Variants in DNAH14 observed in about 807,000 individuals in gnomAD.
DNAH14 encodes axonemal beta dynein heavy chain 14.
A neutral mutation model predicts 520.9 loss-of-function variants in DNAH14; 478 were observed. The observed-to-expected ratio is 0.92, with a 90% CI of 0.85 to 0.99. The LOEUF (loss-of-function observed/expected upper bound fraction) is 0.99. Among genes scored for constraint, DNAH14 ranks in the 50% least tolerant of loss-of-function variants. The pLI is 0.00. For missense variants in DNAH14, 4,831 were observed against 5,234.5 expected (o/e 0.92, Z 2.38); for synonymous variants, 1,581 against 1,757.2 (o/e 0.90, Z 2.51).
intron 23 of DNAH14, among the ~76,000 whole-genome samples, chr1:225,107,756 C>T (rs930414067): frequency 6.6e-6 from 1 of 152,138 alleles, no homozygotes; most frequent in Non-Finnish European, 1.5e-5. Flanking sequence ...TACATTCCCA[C>T]AAACAGTGTA....
At chr1:225,171,798 C>T (rs1333625803) in intron 36 of DNAH14, among the ~76,000 whole-genome samples, 1 of 152,160 alleles carries the variant, frequency 6.6e-6, no homozygotes, top group Non-Finnish European at 1.5e-5. Flanking sequence ...GATACCAAAG[C>T]CTGGCAGACA....
rs182860700 is a variant in DNAH14, at chr1:225,295,633, A to G, written c.8470-5236A>G. ...GATACTTGATATGATTTTGATTTTT[A>G]AAAATTTGTTATTGAGACTTGTTTG... On this transcript the variant is annotated intron_variant, in intron 55 of 85. Coordinates refer to ENST00000682510, the MANE Select transcript of DNAH14 (RefSeq NM_001367479.1). Among the ~76,000 whole-genome samples, 645 of 152,274 alleles carry G rather than the reference A, an allele frequency of 4.2e-3. 2 individuals are homozygous for G. Among genetic ancestry groups the G allele is most frequent in the Non-Finnish European group, 6.9e-3 (472 of 68,012 alleles).
In DNAH14 at chr1:225,140,969, A is replaced by AT; in HGVS notation, c.4457dup (p.Asn1487LysfsTer5). On this transcript the variant is annotated frameshift_variant, in exon 28 of 86. Transcript: ENST00000682510. LOFTEE classifies it high-confidence loss of function. ...TTATGTTCACTGCAGAGATATAGTG[A>AT]TAAATTTACTACTTAAAAATATCTT... 1 of 1,551,008 alleles carries AT rather than the reference A, an allele frequency of 6.4e-7. No individual in the cohort carries two copies. Among genetic ancestry groups the AT allele is most frequent in the Non-Finnish European group, 8.7e-7 (1 of 1,146,676 alleles).
chr1:225,150,628 G>A (rs1054420722), intron 31 of DNAH14, among the ~76,000 whole-genome samples: 9 of 152,140 alleles, frequency 5.9e-5, no homozygotes, highest in Admixed American at 5.9e-4. Flanking sequence ...AGCCTTGGGA[G>A]GGTGTGTGTG....
intron 41 of DNAH14, among the ~76,000 whole-genome samples, chr1:225,228,704 G>A (rs753560871): frequency 2.0e-5 from 3 of 152,080 alleles, no homozygotes; most frequent in Admixed American, 6.6e-5. Flanking sequence ...GCTGGAATAC[G>A]AGTTATAACC....
chr1:225,049,790 C>CTATA (rs2068356915), intron 15 of DNAH14, among the ~76,000 whole-genome samples: 1 of 151,854 alleles, frequency 6.6e-6, no homozygotes, highest in South Asian at 2.1e-4. Flanking sequence ...ATCTATCTAT[C>CTATA]TATCTATCTA....
chr1:225,095,481 G>A (rs2074877454), intron 21 of DNAH14, among the ~76,000 whole-genome samples: 1 of 152,076 alleles, frequency 6.6e-6, no homozygotes, highest in African/African-American at 2.4e-5. Flanking sequence ...TGGAACAACA[G>A]ACACCGGGGC....
At position 225,335,762 on chromosome 1, in the gene DNAH14, CATGTGCAT is replaced by C. The variant is rs1302968891; in HGVS notation, c.10081-1493_10081-1486del. ...ATATGTATATACGCATATATACATA[CATGTGCAT>C]ATGTGCATATATTCATAAGTACATC... is the stretch of plus-strand genomic sequence containing the variant. On this transcript the variant is annotated intron_variant, in intron 66 of 85. Coordinates refer to ENST00000682510, the MANE Select transcript of DNAH14 (RefSeq NM_001367479.1). Among the ~76,000 whole-genome samples the C allele has an allele frequency of 2.8e-4, 8 of 28,976 alleles. 2 individuals carry two copies. The highest frequency in any genetic ancestry group is 1.8e-3 in the African/African-American group (4 of 2,270). 19.0% of individuals were successfully genotyped at this position (28,976 alleles called of 152,430 possible).
chr1:225,080,318 G>C, intron 18 of DNAH14, 61 bp from the exon 19 acceptor site: 1 of 1,433,730 alleles, frequency 7.0e-7, no homozygotes, highest in Non-Finnish European at 9.2e-7. Flanking sequence ...TTCACTGCCA[G>C]TAAAACAGTA....
rs1013754552 is a variant in DNAH14 at position 225,016,039 on chromosome 1, C to T, written c.1108-7576C>T. Among the ~76,000 whole-genome samples the T allele has an allele frequency of 5.9e-5, 9 of 152,286 alleles. No homozygotes were observed. The East Asian group carries it at 1.5e-3, about 26-fold the overall frequency. On this transcript the variant is annotated intron_variant, in intron 10 of 85. Transcript: ENST00000682510. ...GTCCACTCACGAGGGCCCTTCAGGA[C>T]AGGGCTTAAGGAACACAAAAAGGTC... is the stretch of plus-strand genomic sequence containing the variant.
intron 11 of DNAH14, 83 bp downstream of exon 11, chr1:225,023,948 T>C: frequency 6.9e-7 from 1 of 1,444,600 alleles, no homozygotes; most frequent in Non-Finnish European, 9.1e-7. Context: ...TATTCAATAA[T>C]TTAAGCTAGA....
intron 36 of DNAH14, among the ~76,000 whole-genome samples, chr1:225,181,960 G>A (rs2084069591): frequency 6.6e-6 from 1 of 152,174 alleles, no homozygotes; most frequent in African/African-American, 2.4e-5. Context: ...GCCGAGACAG[G>A]TGGATCACTT....
At chr1:225,086,823 T>A (rs1200761003) in intron 21 of DNAH14, among the ~76,000 whole-genome samples, 1 of 152,180 alleles carries the variant, frequency 6.6e-6, no homozygotes, top group African/African-American at 2.4e-5. Flanking sequence ...TAAGCTAATT[T>A]TTTAAAATTT....
At chr1:225,286,936 G>C (rs1470994976) in intron 54 of DNAH14, among the ~76,000 whole-genome samples, 4 of 152,066 alleles carry the variant, frequency 2.6e-5, no homozygotes, top group Non-Finnish European at 5.9e-5. Context: ...AAAAGACATG[G>C]GTGAATTTCA....
At chr1:225,393,339 T>C (rs1197695797) in intron 84 of DNAH14, among the ~76,000 whole-genome samples, 1 of 152,216 alleles carries the variant, frequency 6.6e-6, no homozygotes. Flanking sequence ...TCCACAAACC[T>C]ACACGGCATA....
At chr1:225,073,457 C>A (rs2071802058) in intron 17 of DNAH14, among the ~76,000 whole-genome samples, 1 of 152,070 alleles carries the variant, frequency 6.6e-6, no homozygotes, top group African/African-American at 2.4e-5. Flanking sequence ...GGATTGGGAA[C>A]CCACTTAAAG....
chr1:225,215,506 G>A lies in DNAH14; in HGVS notation c.6439+8286G>A, dbSNP rs531963816. 1.2e-3 allele frequency among the ~76,000 whole-genome samples: 183 copies of A among 152,284 alleles called. 2 individuals are homozygous for A. Among genetic ancestry groups the A allele is most frequent in the Middle Eastern group, 6.8e-3 (2 of 294 alleles). On this transcript the variant is annotated intron_variant, in intron 41 of 85. Coordinates refer to ENST00000682510, the MANE Select transcript of DNAH14 (RefSeq NM_001367479.1). ...TGATCTGTCTAATGTTGACAGTGGG[G>A]TGTTAAAGTTTCCCAGTATTATTCT...
intron 41 of DNAH14, among the ~76,000 whole-genome samples, chr1:225,223,669 G>A (rs2090269987): frequency 6.6e-6 from 1 of 152,110 alleles, no homozygotes; most frequent in Admixed American, 6.6e-5. Flanking sequence ...AGTCGTTATT[G>A]ACTTAAAGGA....
At position 225,346,643 on chromosome 1, in the gene DNAH14, C is replaced by T. The variant is rs1453427943; in HGVS notation, c.11285C>T (p.Ser3762Phe). The change falls in exon 71 of 86, where the codon TCT becomes TTT. Residue 3762 changes from serine (S) to phenylalanine (F), a missense_variant. Transcript: ENST00000682510. ...LINIKSALSQ[S>F]RLTSTFEIGE... is the part of the protein sequence containing the mutation. ...AATATTAAAAGTGCATTATCCCAGTCTAGACTTACTAGTAAGTAAAAGTTA... is the reference window on the plus strand; with the variant it reads ...AATATTAAAAGTGCATTATCCCAGTTTAGACTTACTAGTAAGTAAAAGTTA... 2.0e-5 allele frequency: 30 copies of T among 1,537,494 alleles called. No homozygotes were observed. Among genetic ancestry groups the T allele is most frequent in the Non-Finnish European group, 2.4e-5 (27 of 1,140,554 alleles).
Sources: allele counts gnomAD v4.1 joint callset (sites outside exome capture counted in the v4.1 genomes callset), GRCh38; gene constraint gnomAD v4.1.1; transcripts MANE v1.5; gene names NCBI Gene and HGNC (gene_info 2026-07-23, HGNC 2026-07-21).